The following PBX3 variants were observed in gnomAD, a reference collection of about 807,000 sequenced individuals.
PBX3 encodes PBX homeobox 3.
PBX3 carries 14 observed loss-of-function variants against 48.5 expected under a neutral mutation model. The ratio of observed to expected loss-of-function variants is 0.29; its 90% CI spans 0.19 to 0.45. PBX3 has a LOEUF of 0.45. Ranked by LOEUF, PBX3 falls within the 20% of genes least tolerant of loss-of-function variation. PBX3 has a pLI of 1.00. For synonymous variants in PBX3, 210 were observed against 200.3 expected, an observed-to-expected ratio of 1.05 and a Z score of -0.41; for missense variants, 386 against 546.7, an observed-to-expected ratio of 0.71 and a Z score of 2.93.
At chr9:125,750,993 G>C (rs752906328) in intron 2 of PBX3, among the ~76,000 whole-genome samples, 7 of 152,126 alleles carry the variant, frequency 4.6e-5, no homozygotes, top group Non-Finnish European at 1.0e-4. Flanking sequence ...CAAAGAAAGC[G>C]GGGCTGCAAA....
At chr9:125,965,035 C>T (rs937583672) in intron 8 of PBX3, among the ~76,000 whole-genome samples, 23 of 152,366 alleles carry the variant, frequency 1.5e-4, no homozygotes, top group Admixed American at 1.2e-3. Context: ...CCCCAACTCA[C>T]GAGGCTGGCA....
chr9:125,917,070 A>T (rs1841350561), intron 3 of PBX3, among the ~76,000 whole-genome samples: 1 of 152,106 alleles, frequency 6.6e-6, no homozygotes, highest in Non-Finnish European at 1.5e-5. Flanking sequence ...CCAATTTGGT[A>T]AGAGTATTTT....
chr9:125,846,468 C>A (rs1476060630), intron 2 of PBX3, among the ~76,000 whole-genome samples: 2 of 151,956 alleles, frequency 1.3e-5, no homozygotes, highest in African/African-American at 4.8e-5. Flanking sequence ...GAAATAGAGA[C>A]ATTTGTAAAG....
intron 4 of PBX3, among the ~76,000 whole-genome samples, chr9:125,931,224 T>C (rs1008822186): frequency 1.3e-5 from 2 of 152,164 alleles, no homozygotes; most frequent in Non-Finnish European, 2.9e-5. Flanking sequence ...TACATGAACA[T>C]TTTCATGTAG....
At chr9:125,805,988 ATATCTATG>A (rs1234804437) in intron 2 of PBX3, among the ~76,000 whole-genome samples, 1 of 152,222 alleles carries the variant, frequency 6.6e-6, no homozygotes, top group Non-Finnish European at 1.5e-5. Context: ...TTATTTCTAT[ATATCTATG>A]TATCTATGTA....
intron 2 of PBX3, among the ~76,000 whole-genome samples, chr9:125,887,499 C>G (rs1038992555): frequency 4.6e-5 from 7 of 152,146 alleles, no homozygotes; most frequent in African/African-American, 1.7e-4. Flanking sequence ...CAGTTTTAAA[C>G]AGACATTTTG....
intron 2 of PBX3, chr9:125,865,418 T>C (rs1839955213): frequency 6.1e-6 from 1 of 163,714 alleles, no homozygotes. Flanking sequence ...TCTTTTTGAC[T>C]ATATTTGTTC....
intron 2 of PBX3, among the ~76,000 whole-genome samples, chr9:125,888,803 CTGGA>C (rs1840564789): frequency 6.6e-6 from 1 of 151,914 alleles, no homozygotes; most frequent in Non-Finnish European, 1.5e-5. Context: ...ATATAGTAGT[CTGGA>C]CTGGAAAGTG....
intron 2 of PBX3, among the ~76,000 whole-genome samples, chr9:125,912,874 C>G (rs1283124141): frequency 3.3e-5 from 5 of 151,896 alleles, no homozygotes; most frequent in Admixed American, 2.6e-4. Context: ...TATAGGTGCC[C>G]AGAGGAGTAG....
chr9:125,849,270 G>A (rs947787638), intron 2 of PBX3, among the ~76,000 whole-genome samples: 3 of 151,804 alleles, frequency 2.0e-5, no homozygotes, highest in Non-Finnish European at 2.9e-5. Context: ...CAGATAGGCT[G>A]TGATGTCCTC....
chr9:125,869,211 T>C (rs1013654124), intron 2 of PBX3, among the ~76,000 whole-genome samples: 2 of 152,132 alleles, frequency 1.3e-5, no homozygotes, highest in African/African-American at 4.8e-5. Context: ...ACAATGGATA[T>C]GAAGAAATTA....
chr9:125,951,278 C>T (rs929472776), intron 5 of PBX3, among the ~76,000 whole-genome samples: 4 of 152,100 alleles, frequency 2.6e-5, no homozygotes, highest in Admixed American at 6.6e-5. Flanking sequence ...GAGGTAGTGC[C>T]GTCAGGTACT....
intron 2 of PBX3, among the ~76,000 whole-genome samples, chr9:125,894,362 T>C (rs1840720586): frequency 6.6e-6 from 1 of 152,156 alleles, no homozygotes; most frequent in Non-Finnish European, 1.5e-5. Context: ...AGTCCATAGA[T>C]TTATGATTTA....
intron 2 of PBX3, among the ~76,000 whole-genome samples, chr9:125,847,360 C>G (rs1839453317): frequency 6.6e-6 from 1 of 151,882 alleles, no homozygotes; most frequent in Non-Finnish European, 1.5e-5. Flanking sequence ...AAATTGGAAA[C>G]AGTTGAAATG....
rs190897827 is a variant in PBX3 at position 125,913,048 on chromosome 9, G to A, written c.275-2638G>A. On this transcript the variant is annotated intron_variant, in intron 2 of 8. Coordinates refer to ENST00000373489, the MANE Select transcript of PBX3 (RefSeq NM_006195.6). ...AAGTAATTTTGGAAACCAGGTATTA[G>A]TATTTAAAGATCCCATAATCATTAC... 2.5e-4 allele frequency among the ~76,000 whole-genome samples: 38 copies of A among 152,210 alleles called. No individual in the cohort carries two copies. In the East Asian group the frequency reaches 5.2e-3, roughly 21 times the overall value.
chr9:125,783,312 A>G (rs1837371857), intron 2 of PBX3, among the ~76,000 whole-genome samples: 1 of 151,156 alleles, frequency 6.6e-6, no homozygotes, highest in South Asian at 2.1e-4. Context: ...TTTTGAGGGG[A>G]GTTTTACTCA....
chr9:125,760,024 G>A (rs1335765346), intron 2 of PBX3, among the ~76,000 whole-genome samples: 9 of 152,166 alleles, frequency 5.9e-5, no homozygotes, highest in Admixed American at 2.6e-4. Context: ...CTCGGTAGTT[G>A]CTGCGAGGAT....
At chr9:125,863,297 A>G (rs1263369192) in intron 2 of PBX3, among the ~76,000 whole-genome samples, 1 of 149,210 alleles carries the variant, frequency 6.7e-6, no homozygotes, top group Non-Finnish European at 1.5e-5. Context: ...TCTGCCTCCC[A>G]GGTTCAAGCG....
At chr9:125,791,707 G>A (rs542767252) in intron 2 of PBX3, among the ~76,000 whole-genome samples, 4 of 152,048 alleles carry the variant, frequency 2.6e-5, no homozygotes, top group African/African-American at 9.7e-5. Flanking sequence ...AGGCCAAGGC[G>A]GGAGGATCAC....
Sources: gnomAD v4.1 joint callset for allele counts (sites outside exome capture counted in the v4.1 genomes callset) on GRCh38, gnomAD v4.1.1 for gene constraint, MANE v1.5 for transcripts, NCBI Gene and HGNC (gene_info 2026-07-23, HGNC 2026-07-21) for gene names.